The following ELAVL4 variants were observed in gnomAD, a reference collection of about 807,000 sequenced individuals.
The protein encoded by ELAVL4 is ELAV-like protein 4.
Under a neutral mutation model 35.6 loss-of-function variants are expected in ELAVL4, and 1 was observed. The ratio of observed to expected loss-of-function variants is 0.03; its 90% CI spans 0.01 to 0.13. The LOEUF (loss-of-function observed/expected upper bound fraction) is 0.13. Among genes scored for constraint, ELAVL4 ranks in the 10% least tolerant of loss-of-function variants. The pLI is 1.00. For synonymous variants in ELAVL4, 156 were observed against 171.0 expected (o/e 0.91, Z 0.69); for missense variants, 267 against 464.9 (o/e 0.57, Z 3.91).
intron 1 of ELAVL4, among the ~76,000 whole-genome samples, chr1:50,065,912 A>C (rs1376833179): frequency 1.3e-5 from 2 of 152,090 alleles, no homozygotes; most frequent in African/African-American, 2.4e-5. Context: ...CTAGAAGGAG[A>C]ACCAGGGCTT....
intron 1 of ELAVL4, among the ~76,000 whole-genome samples, chr1:50,131,574 G>A (rs1156281512): frequency 1.3e-5 from 2 of 152,016 alleles, no homozygotes; most frequent in Admixed American, 6.6e-5. Context: ...CTGATCACAA[G>A]GTCAAGACAT....
At chr1:50,168,664 A>G (rs149875181) in intron 2 of ELAVL4, among the ~76,000 whole-genome samples, 1 of 152,272 alleles carries the variant, frequency 6.6e-6, no homozygotes, top group African/African-American at 2.4e-5. Context: ...TAGAGTCACT[A>G]AACTCCTTGC....
At chr1:50,149,639 G>C (rs1289764979) in intron 2 of ELAVL4, among the ~76,000 whole-genome samples, 1 of 150,528 alleles carries the variant, frequency 6.6e-6, no homozygotes, top group Admixed American at 6.6e-5. Context: ...CACCTCCTGG[G>C]TTCAAGTGAT....
chr1:50,106,424 C>CAGTGCTGGGAGCCCA (rs765694780), upstream of ELAVL4: 26 of 1,563,876 alleles, frequency 1.7e-5, no homozygotes, highest in East Asian at 5.4e-4. Flanking sequence ...CTGGCAGCCC[C>CAGTGCTGGGAGCCCA]ACAGTGCTGG....
At position 50,145,071 on chromosome 1, in the gene ELAVL4, G is replaced by C; in HGVS notation, c.124G>C (p.Asp42His). 1 of 1,614,000 alleles carries C rather than the reference G, an allele frequency of 6.2e-7. No individual in the cohort carries two copies. Among genetic ancestry groups the C allele is most frequent in the Non-Finnish European group, 8.5e-7 (1 of 1,179,952 alleles). ...TCCCATGCAAACAGGGGCAACCACA[G>C]ATGACAGCAAAACCAACCTCATCGT... is the stretch of plus-strand genomic sequence containing the variant. ...PSPMQTGATT[D>H]DSKTNLIVNY... The change falls in exon 2 of 7, where the codon GAT becomes CAT. Residue 42 changes from aspartate to histidine, a missense_variant. This residue lies in a region of ELAVL4 where 51 missense variants were observed against 55.4 expected (regional missense o/e 0.92). Transcript: ENST00000371824.
chr1:50,111,265 T>C (rs1395903267), intron 1 of ELAVL4, among the ~76,000 whole-genome samples: 2 of 151,496 alleles, frequency 1.3e-5, no homozygotes, highest in South Asian at 2.1e-4. Flanking sequence ...TTCCCCCTTT[T>C]CCCTGGTGTG....
At chr1:50,112,123 A>G (rs1667175155) in intron 1 of ELAVL4, among the ~76,000 whole-genome samples, 1 of 151,792 alleles carries the variant, frequency 6.6e-6, no homozygotes, top group African/African-American at 2.4e-5. Flanking sequence ...TTCTCTTCTT[A>G]TTAGGGGATT....
Position 50,068,226 on chromosome 1 carries a change from A to G in ELAVL4, c.18+20044A>G, listed in dbSNP as rs570414207. Among the ~76,000 whole-genome samples, 9 of 152,306 alleles carry G rather than the reference A, an allele frequency of 5.9e-5. No homozygotes were observed. The South Asian group carries it at 1.9e-3, about 32-fold the overall frequency. On this transcript the variant is annotated intron_variant, in intron 1 of 6. Transcript: ENST00000448907. ...ATGTAGAGATAGGGGTGGCAAATTG[A>G]AGATCTTCCTGAAATCTAAGACCAT...
intron 1 of ELAVL4, among the ~76,000 whole-genome samples, chr1:50,137,533 A>C (rs931476806): frequency 1.1e-4 from 17 of 151,220 alleles, no homozygotes; most frequent in African/African-American, 2.9e-4. Context: ...GGAAGGAAGG[A>C]AGGCAGGAAG....
chr1:50,160,066 T>C (rs1019537620), intron 2 of ELAVL4, among the ~76,000 whole-genome samples: 1 of 152,182 alleles, frequency 6.6e-6, no homozygotes, highest in African/African-American at 2.4e-5. Flanking sequence ...GTGGGTTCAT[T>C]TGGTGTCCTG....
At chr1:50,119,995 CT>C (rs886862900) in intron 1 of ELAVL4, among the ~76,000 whole-genome samples, 1 of 151,316 alleles carries the variant, frequency 6.6e-6, no homozygotes. Context: ...CCAAAGTTTA[CT>C]TTTCTTGGGG....
At chr1:50,081,883 T>C (rs1665026798) in intron 1 of ELAVL4, among the ~76,000 whole-genome samples, 1 of 152,006 alleles carries the variant, frequency 6.6e-6, no homozygotes, top group African/African-American at 2.4e-5. Context: ...CCTGTGTCCA[T>C]GTGTTCTCAT....
chr1:50,063,607 A>G (rs1392844040), intron 1 of ELAVL4, among the ~76,000 whole-genome samples: 1 of 151,792 alleles, frequency 6.6e-6, no homozygotes, highest in Non-Finnish European at 1.5e-5. Flanking sequence ...GAGCGTTTCC[A>G]CCATCACTTG....
At chr1:50,093,260 T>A (rs1432217191) in intron 1 of ELAVL4, among the ~76,000 whole-genome samples, 1 of 152,218 alleles carries the variant, frequency 6.6e-6, no homozygotes, top group Admixed American at 6.5e-5. Context: ...AGTTTGGATA[T>A]CATTGAGATT....
At chr1:50,133,600 AAAGAAAG>A (rs930756263) in intron 1 of ELAVL4, among the ~76,000 whole-genome samples, 22 of 10,306 alleles carry the variant, frequency 2.1e-3, no homozygotes, top group African/African-American at 5.4e-3. Flanking sequence ...GAAAGAAAGA[AAAGAAAG>A]AAAGAAAGAA....
At chr1:50,076,757 AG>A (rs1664784104) in intron 1 of ELAVL4, among the ~76,000 whole-genome samples, 2 of 152,074 alleles carry the variant, frequency 1.3e-5, no homozygotes, top group Non-Finnish European at 2.9e-5. Flanking sequence ...AGAAAGAGAG[AG>A]GGGGAGGGGA....
intron 1 of ELAVL4, chr1:50,141,870 T>C (rs927134234): frequency 2.6e-5 from 4 of 152,258 alleles, no homozygotes; most frequent in Non-Finnish European, 5.9e-5. Context: ...TAAAGAATCT[T>C]AGATGCTCCC....
intron 6 of ELAVL4, among the ~76,000 whole-genome samples, chr1:50,199,563 T>A (rs974706614): frequency 1.2e-4 from 18 of 151,896 alleles, no homozygotes; most frequent in African/African-American, 3.9e-4. Flanking sequence ...AAAAAATTAG[T>A]CAGGCATGGT....
chr1:50,087,410 G>C (rs756627463), intron 1 of ELAVL4, among the ~76,000 whole-genome samples: 2 of 152,074 alleles, frequency 1.3e-5, no homozygotes, highest in African/African-American at 2.4e-5. Context: ...GAGGTGTATA[G>C]TTTACAACTG....
Sources: gnomAD v4.1 joint callset for allele counts (sites outside exome capture counted in the v4.1 genomes callset) on GRCh38, gnomAD v4.1.1 for gene constraint, gnomAD v4.1.1 regional missense constraint, MANE v1.5 for transcripts, NCBI Gene and HGNC (gene_info 2026-07-23, HGNC 2026-07-21) for gene names.